The following SYN3 variants were observed in gnomAD, a reference collection of about 807,000 sequenced individuals.
SYN3 encodes the protein synapsin-3.
Under a neutral mutation model 65.8 loss-of-function variants are expected in SYN3, and 35 were observed. The observed-to-expected ratio is 0.53, with a 90% CI of 0.41 to 0.70. The LOEUF is 0.70. SYN3 is among the 30% of genes least tolerant of loss of function. The pLI, the probability that SYN3 is intolerant of heterozygous loss-of-function variation, is 0.00. For missense variants in SYN3, 680 were observed against 749.0 expected, an observed-to-expected ratio of 0.91 and a Z score of 1.08; for synonymous variants, 270 against 292.9, an observed-to-expected ratio of 0.92 and a Z score of 0.80.
intron 6 of SYN3, among the ~76,000 whole-genome samples, chr22:32,856,319 G>C (rs1005181561): frequency 5.9e-5 from 9 of 152,122 alleles, no homozygotes; most frequent in Non-Finnish European, 1.2e-4. Context: ...TGGAATGGGG[G>C]GTATGGCTGG....
chr22:32,546,887 C>T (rs1030684291), intron 7 of SYN3, among the ~76,000 whole-genome samples: 9 of 152,066 alleles, frequency 5.9e-5, no homozygotes, highest in Admixed American at 1.3e-4. Flanking sequence ...TTCTCTCTCT[C>T]CTTTCTCTTG....
At chr22:32,537,886 T>C (rs1163144529) in intron 9 of SYN3, 150 bp downstream of exon 9, 1 of 634,632 alleles carries the variant, frequency 1.6e-6, no homozygotes, top group Non-Finnish European at 2.8e-6. Flanking sequence ...CTGTGGGCAG[T>C]GAAGATGATC....
intron 7 of SYN3, among the ~76,000 whole-genome samples, chr22:32,595,526 A>G (rs2059186373): frequency 6.6e-6 from 1 of 152,080 alleles, no homozygotes; most frequent in Non-Finnish European, 1.5e-5. Context: ...ATATTATATT[A>G]TTGACTTTTG....
At chr22:32,582,132 A>C (rs532941590) in intron 7 of SYN3, among the ~76,000 whole-genome samples, 1 of 152,084 alleles carries the variant, frequency 6.6e-6, no homozygotes, top group Non-Finnish European at 1.5e-5. Flanking sequence ...TCTGGAAATC[A>C]GGCTTCCCTG....
intron 7 of SYN3, among the ~76,000 whole-genome samples, chr22:32,545,680 C>T (rs2058327160): frequency 6.6e-6 from 1 of 152,138 alleles, no homozygotes; most frequent in Non-Finnish European, 1.5e-5. Flanking sequence ...CTTGCTTCAG[C>T]CTCTCAAGTA....
chr22:32,602,467 T>C (rs2059299143), intron 6 of SYN3, among the ~76,000 whole-genome samples: 1 of 152,158 alleles, frequency 6.6e-6, no homozygotes, highest in African/African-American at 2.4e-5. Flanking sequence ...TGTTTGTTTG[T>C]TTGTTTGTTT....
chr22:32,961,603 G>T (rs957754745), intron 3 of SYN3, among the ~76,000 whole-genome samples: 1 of 152,206 alleles, frequency 6.6e-6, no homozygotes, highest in African/African-American at 2.4e-5. Flanking sequence ...CCCACAGAAT[G>T]TGAGAACTGC....
At chr22:32,657,683 ATG>A (rs2060161757) in intron 6 of SYN3, among the ~76,000 whole-genome samples, 1 of 152,140 alleles carries the variant, frequency 6.6e-6, no homozygotes, top group African/African-American at 2.4e-5. Context: ...AGCCTTCCCT[ATG>A]CTCAAAGGAC....
chr22:32,642,519 C>A (rs13054057), intron 6 of SYN3, among the ~76,000 whole-genome samples: 1 of 151,786 alleles, frequency 6.6e-6, no homozygotes, highest in African/African-American at 2.4e-5. Flanking sequence ...CGGCTCACTG[C>A]AAGCTCCGCC....
intron 6 of SYN3, among the ~76,000 whole-genome samples, chr22:32,796,607 G>A (rs958882141): frequency 2.6e-5 from 4 of 152,128 alleles, no homozygotes; most frequent in African/African-American, 9.7e-5. Flanking sequence ...CCCCACTGAG[G>A]GTCTGGCCAG....
chr22:32,962,225 TCC>T (rs1447927418), intron 3 of SYN3, among the ~76,000 whole-genome samples: 1 of 141,746 alleles, frequency 7.1e-6, no homozygotes, highest in Non-Finnish European at 1.5e-5. Context: ...AACCTTTACC[TCC>T]TGGGTTCAAG....
chr22:32,807,394 AATATATATATATTATATTTACATATATAT>A (rs2046789275), intron 6 of SYN3, among the ~76,000 whole-genome samples: 1 of 100,620 alleles, frequency 9.9e-6, no homozygotes, highest in South Asian at 3.0e-4. Flanking sequence ...TATTATATAT[AATATATATATATTATATTTACATATATAT>A]TATATATATA....
chr22:32,880,677 CA>C (rs1482707152), intron 4 of SYN3, among the ~76,000 whole-genome samples: 1 of 152,164 alleles, frequency 6.6e-6, no homozygotes, highest in Admixed American at 6.5e-5. Flanking sequence ...AGGATGTGAG[CA>C]GAGAACTGAC....
At chr22:32,868,011 C>G (rs2048734898) in intron 5 of SYN3, among the ~76,000 whole-genome samples, 1 of 152,280 alleles carries the variant, frequency 6.6e-6, no homozygotes, top group Non-Finnish European at 1.5e-5. Flanking sequence ...AGAGAGATGG[C>G]TTAAATTGTG....
At chr22:32,747,220 G>A (rs988865603) in intron 6 of SYN3, among the ~76,000 whole-genome samples, 1 of 152,094 alleles carries the variant, frequency 6.6e-6, no homozygotes. Flanking sequence ...TGAGAGAGGC[G>A]AAGTGACTTG....
At chr22:32,907,956 T>C (rs1314961757) in intron 4 of SYN3, among the ~76,000 whole-genome samples, 8 of 152,236 alleles carry the variant, frequency 5.3e-5, no homozygotes, top group Admixed American at 5.2e-4. Context: ...AAGATCATTA[T>C]CATCCACATT....
At chr22:32,615,349 C>T (rs1309018255) in intron 6 of SYN3, among the ~76,000 whole-genome samples, 2 of 141,954 alleles carry the variant, frequency 1.4e-5, no homozygotes, top group Admixed American at 7.2e-5. Flanking sequence ...GCATGAGAAT[C>T]CCTTAAACCA....
chr22:32,848,144 A>G (rs1187100487), intron 6 of SYN3, among the ~76,000 whole-genome samples: 2 of 152,270 alleles, frequency 1.3e-5, no homozygotes, highest in South Asian at 2.1e-4. Flanking sequence ...AAAGAGAAGC[A>G]CAACCTTGTA....
At chr22:32,903,383 T>C (rs1173750249) in intron 4 of SYN3, among the ~76,000 whole-genome samples, 1 of 152,132 alleles carries the variant, frequency 6.6e-6, no homozygotes, top group Non-Finnish European at 1.5e-5. Flanking sequence ...ATCTAACAAG[T>C]TCTATGTCTT....
Sources: gnomAD v4.1 joint callset for allele counts (sites outside exome capture counted in the v4.1 genomes callset) on GRCh38, gnomAD v4.1.1 for gene constraint, MANE v1.5 for transcripts, NCBI Gene and HGNC (gene_info 2026-07-23, HGNC 2026-07-21) for gene names.